THADA: variants seen among roughly 807,000 people sequenced by gnomAD.
The protein encoded by THADA is tRNA (32-2'-O)-methyltransferase regulator THADA.
A neutral mutation model predicts 219.8 loss-of-function variants in THADA; 213 were observed. The observed-to-expected ratio is 0.97, with a 90% CI of 0.87 to 1.09. The LOEUF (loss-of-function observed/expected upper bound fraction) is 1.09, where lower values mean the gene tolerates loss of function less well. Among genes scored for constraint, THADA ranks in the 50% least tolerant of loss-of-function variants. The pLI, the probability that THADA is intolerant of heterozygous loss-of-function variation, is 0.00. For synonymous variants in THADA, 1,018 were observed against 828.9 expected (o/e 1.23, Z -3.92); for missense variants, 2,956 against 2,311.3 (o/e 1.28, Z -5.72).
rs551939387 is a variant in THADA, at chr2:43,487,065, T to C, written c.3745-1740A>G. Among the ~76,000 whole-genome samples, 17 of 152,302 alleles carry C rather than the reference T, an allele frequency of 1.1e-4. No homozygotes were observed. In the South Asian group the frequency reaches 3.5e-3, roughly 32 times the overall value. ...TTCACTTACGTTCATTCAACAGCCATCAAACATCCAAGGAGGCCCTACTAT... is the reference window on the plus strand; with the variant it reads ...TTCACTTACGTTCATTCAACAGCCACCAAACATCCAAGGAGGCCCTACTAT... On this transcript the variant is annotated intron_variant, in intron 25 of 37. Coordinates refer to ENST00000405975, the MANE Select transcript of THADA (RefSeq NM_022065.5).
At chr2:43,552,493 A>G (rs1696865900) in intron 17 of THADA, among the ~76,000 whole-genome samples, 154 bp from the exon 18 acceptor site, 1 of 152,184 alleles carries the variant, frequency 6.6e-6, no homozygotes, top group African/African-American at 2.4e-5. Flanking sequence ...GTTATCCAAC[A>G]GGGTGGCTCA....
chr2:43,594,700 C>T (rs547304685), intron 1 of THADA, among the ~76,000 whole-genome samples: 9 of 152,272 alleles, frequency 5.9e-5, no homozygotes, highest in South Asian at 2.1e-4. Context: ...TCCTCTTCAC[C>T]ATCTCAAGAG....
rs542566236 is a variant in THADA at position 43,386,581 on chromosome 2, T to G, written c.4227+11390A>C. 1.1e-3 allele frequency among the ~76,000 whole-genome samples: 169 copies of G among 152,152 alleles called. 1 individual carries two copies. Among genetic ancestry groups the G allele is most frequent in the African/African-American group, 4.0e-3 (165 of 41,512 alleles). Reference sequence around the variant, plus strand: ...TATGAGGCATGTATAATATTTAAGGTCCTTTAAAAAATAATATTAACATAA... The same window carrying G: ...TATGAGGCATGTATAATATTTAAGGGCCTTTAAAAAATAATATTAACATAA... On this transcript the variant is annotated intron_variant, in intron 29 of 37. Transcript: ENST00000405975.
intron 1 of THADA, among the ~76,000 whole-genome samples, chr2:43,593,735 G>C (rs1207593447): frequency 6.6e-6 from 1 of 151,784 alleles, no homozygotes; most frequent in South Asian, 2.1e-4. Context: ...CTGGGTTCAG[G>C]CCATTCTCCT....
chr2:43,518,412 C>T (rs1261801133), intron 22 of THADA, among the ~76,000 whole-genome samples: 1 of 152,150 alleles, frequency 6.6e-6, no homozygotes, highest in Non-Finnish European at 1.5e-5. Context: ...TCTCCACATA[C>T]CAGGGTTATA....
At chr2:43,304,912 T>C (rs111777507) in intron 31 of THADA, among the ~76,000 whole-genome samples, 1 of 152,144 alleles carries the variant, frequency 6.6e-6, no homozygotes, top group Non-Finnish European at 1.5e-5. Context: ...CCTCAGGTGA[T>C]CCACCCACCT....
chr2:43,464,250 A>G (rs1455584688), intron 26 of THADA, among the ~76,000 whole-genome samples: 1 of 152,218 alleles, frequency 6.6e-6, no homozygotes, highest in Non-Finnish European at 1.5e-5. Context: ...GAGCAACTAT[A>G]TAACAAAGGA....
At chr2:43,340,048 G>T (rs967108072) in intron 30 of THADA, among the ~76,000 whole-genome samples, 5 of 152,226 alleles carry the variant, frequency 3.3e-5, no homozygotes, top group African/African-American at 1.2e-4. Flanking sequence ...TTCCAGGACA[G>T]CAGCAGATCC....
chr2:43,572,800 T>C lies in THADA; in HGVS notation c.1908+14A>G. On this transcript the variant is annotated intron_variant, in intron 12 of 37. Transcript: ENST00000405975. The stretch of plus-strand genomic sequence containing the variant: ...CTACTGCATGTACAAATCCAGGTAA[T>C]TTTCTTTACTTACTTGGCAATGCTG... 4 of 1,611,826 alleles carry C rather than the reference T, an allele frequency of 2.5e-6. No individual in the cohort carries two copies. Among genetic ancestry groups the C allele is most frequent in the Non-Finnish European group, 3.4e-6 (4 of 1,178,802 alleles).
chr2:43,245,106 C>T (rs1668998756), intron 36 of THADA, among the ~76,000 whole-genome samples: 1 of 150,526 alleles, frequency 6.6e-6, no homozygotes, highest in African/African-American at 2.4e-5. Context: ...TCTCTTTTTC[C>T]TTTCCTTGAA....
rs115536433 is a variant in THADA, at chr2:43,389,938, A to G, written c.4227+8033T>C. ...CAATGGTTTATTTTCCAGGTAGCTC[A>G]TAAGCTTCTTGAGAGCAGAGAATAT... is the stretch of plus-strand genomic sequence containing the variant. On this transcript the variant is annotated intron_variant, in intron 29 of 37. Coordinates refer to ENST00000405975, the MANE Select transcript of THADA (RefSeq NM_022065.5). Among the ~76,000 whole-genome samples the G allele has an allele frequency of 5.6e-3, 847 of 152,350 alleles. 14 individuals carry two copies. Among genetic ancestry groups the G allele is most frequent in the African/African-American group, 0.019 (798 of 41,560 alleles).
intron 30 of THADA, among the ~76,000 whole-genome samples, chr2:43,320,946 T>A (rs1678636151): frequency 6.6e-6 from 1 of 152,198 alleles, no homozygotes; most frequent in African/African-American, 2.4e-5. Flanking sequence ...AAATCAGATT[T>A]AGTATTGTGG....
Position 43,566,715 on chromosome 2 carries a change from A to T in THADA, c.2294T>A (p.Val765Asp). The T allele has an allele frequency of 1.2e-6, 2 of 1,605,190 alleles. No individual in the cohort carries two copies. The highest frequency in any genetic ancestry group is 1.7e-6 in the Non-Finnish European group (2 of 1,177,468). The change falls in exon 15 of 38, where the codon GTT becomes GAT. Residue 765 changes from valine (V) to aspartate (D), a missense_variant. By Grantham distance (152) the Val-to-Asp change is radical (BLOSUM62 -3). Coordinates refer to ENST00000405975, the MANE Select transcript of THADA (RefSeq NM_022065.5). The stretch of plus-strand genomic sequence containing the variant: ...ACACTTACCTTCTGGGACATGAAAA[A>T]CTTCAGCTATTGAACCTAAAATGGT... The part of the protein sequence containing the change: ...ALTILGSIAE[V>D]FHVPEGRIYT...
At chr2:43,239,402 G>A (rs1320005200) in intron 36 of THADA, among the ~76,000 whole-genome samples, 3 of 152,214 alleles carry the variant, frequency 2.0e-5, no homozygotes, top group Non-Finnish European at 4.4e-5. Context: ...GAAGACCCAG[G>A]CCTCACACAG....
At chr2:43,377,295 C>T (rs1671490461) in intron 29 of THADA, among the ~76,000 whole-genome samples, 1 of 152,140 alleles carries the variant, frequency 6.6e-6, no homozygotes, top group African/African-American at 2.4e-5. Flanking sequence ...GGGGGATCAA[C>T]CTGATAACTA....
chr2:43,248,153 A>C (rs1669375963), intron 36 of THADA, among the ~76,000 whole-genome samples: 1 of 86,198 alleles, frequency 1.2e-5, no homozygotes, highest in Admixed American at 1.2e-4. Flanking sequence ...ATATATATAT[A>C]TATATATATA....
At position 43,572,770 on chromosome 2, in the gene THADA, G is replaced by A. The variant is rs187528624; in HGVS notation, c.1908+44C>T. ...CTCTATATTGAACTGCTACATGAAAGGGATCTACTGCATGTACAAATCCAG... is the reference window on the plus strand; with the variant it reads ...CTCTATATTGAACTGCTACATGAAAAGGATCTACTGCATGTACAAATCCAG... On this transcript the variant is annotated intron_variant, in intron 12 of 37. Transcript: ENST00000405975. 11 of 1,565,596 alleles carry A rather than the reference G, an allele frequency of 7.0e-6. No individual in the cohort carries two copies. The East Asian group carries it at 2.5e-4, about 35-fold the overall frequency.
chr2:43,544,590 C>G lies in THADA; in HGVS notation c.3107-3274G>C, dbSNP rs367592055. Among the ~76,000 whole-genome samples the G allele has an allele frequency of 4.6e-5, 7 of 151,382 alleles. No individual in the cohort carries two copies. In the South Asian group the frequency reaches 1.1e-3, roughly 23 times the overall value. ...TAGTTCTCCTTGAAGAGGTCCTTCA[C>G]GTCCCTTGTAAGTTGGATTCCTAGG... On this transcript the variant is annotated intron_variant, in intron 20 of 37. Transcript: ENST00000405975.
intron 35 of THADA, 126 bp downstream of exon 35, chr2:43,286,782 T>C: frequency 1.8e-6 from 2 of 1,081,876 alleles, no homozygotes; most frequent in Non-Finnish European, 2.7e-6. Flanking sequence ...ACGGTAGGAA[T>C]ATAACTGAAA....
Sources: gnomAD v4.1 joint callset for allele counts (sites outside exome capture counted in the v4.1 genomes callset) on GRCh38, gnomAD v4.1.1 for gene constraint, MANE v1.5 for transcripts, NCBI Gene and HGNC (gene_info 2026-07-23, HGNC 2026-07-21) for gene names.